GPC3: variants seen among roughly 807,000 people sequenced by gnomAD.
GPC3 encodes the protein glypican 3.
In GPC3, 3 loss-of-function variants were observed where a neutral mutation model predicts 34.4. The ratio of observed to expected loss-of-function variants is 0.09; its 90% CI spans 0.04 to 0.23. The LOEUF (loss-of-function observed/expected upper bound fraction) is 0.23. GPC3 is among the 10% of genes least tolerant of loss of function. The pLI is 1.00. For synonymous variants in GPC3, 177 were observed against 174.0 expected (o/e 1.02, Z -0.13); for missense variants, 351 against 445.6 (o/e 0.79, Z 1.91).
intron 6 of GPC3, among the ~76,000 whole-genome samples, chrX:133,654,605 G>A (rs759845990): frequency 3.6e-5 from 4 of 109,998 alleles, no homozygotes; most frequent in Non-Finnish European, 5.7e-5. Flanking sequence ...CCAGCTACTC[G>A]GGAGGCTGAG....
intron 5 of GPC3, among the ~76,000 whole-genome samples, chrX:133,669,163 G>C (rs1392766752): frequency 8.9e-6 from 1 of 112,111 alleles, no homozygotes; most frequent in Non-Finnish European, 1.9e-5. Flanking sequence ...TGACATACTT[G>C]TGTTCTTGGG....
intron 7 of GPC3, among the ~76,000 whole-genome samples, chrX:133,580,366 AGCTGAAAGAAATGT>A (rs770342281): frequency 8.9e-6 from 1 of 111,910 alleles, no homozygotes; most frequent in East Asian, 2.8e-4. Context: ...AAAGCCCCAG[AGCTGAAAGAAATGT>A]GCATGATTTC....
At chrX:133,832,563 T>C (rs1352921744) in intron 2 of GPC3, among the ~76,000 whole-genome samples, 2 of 110,930 alleles carry the variant, frequency 1.8e-5, no homozygotes, top group South Asian at 3.9e-4. Context: ...GGGAAAGATC[T>C]ACCTGTCATA....
intron 5 of GPC3, among the ~76,000 whole-genome samples, chrX:133,687,348 G>A (rs1192802481): frequency 2.0e-5 from 2 of 98,684 alleles, no homozygotes; most frequent in Non-Finnish European, 4.0e-5. Context: ...TATATTAAGT[G>A]CTCAATCTGT....
Position 133,840,613 on chromosome X carries a change from TCATCTTCATCACCATCATCATCAC to T in GPC3, c.338-86461_338-86438del, listed in dbSNP as rs1042827576. Reference sequence around the variant, plus strand: ...ACTATCATCATCATCATCATCATCATCATCTTCATCACCATCATCATCACCATCATCACCATCATCACCATGCTC... The same window carrying T: ...ACTATCATCATCATCATCATCATCATCATCATCACCATCATCACCATGCTC... On this transcript the variant is annotated intron_variant, in intron 2 of 7. Transcript: ENST00000370818. Among the ~76,000 whole-genome samples the T allele has an allele frequency of 5.6e-4, 61 of 109,762 alleles. 2 individuals carry two copies. Among genetic ancestry groups the T allele is most frequent in the Non-Finnish European group, 1.1e-4 (6 of 52,954 alleles).
At chrX:133,767,294 CAAT>C (rs1156763738) in intron 2 of GPC3, among the ~76,000 whole-genome samples, 1 of 111,652 alleles carries the variant, frequency 9.0e-6, no homozygotes, top group African/African-American at 3.3e-5. Flanking sequence ...TTACCAACAA[CAAT>C]AATTCCCCAG....
At chrX:133,569,748 T>C (rs2069609998) in intron 7 of GPC3, among the ~76,000 whole-genome samples, 1 of 112,410 alleles carries the variant, frequency 8.9e-6, no homozygotes, top group East Asian at 2.8e-4. Context: ...ATCCATGTAG[T>C]GTCCCTATAA....
intron 2 of GPC3, among the ~76,000 whole-genome samples, chrX:133,933,418 T>C (rs1049150714): frequency 1.2e-4 from 13 of 111,094 alleles, no homozygotes; most frequent in Non-Finnish European, 2.3e-4. Flanking sequence ...AGACAGCTTG[T>C]TGCAGGATCC....
At chrX:133,552,424 T>C (rs1603150962) in intron 7 of GPC3, among the ~76,000 whole-genome samples, 1 of 111,911 alleles carries the variant, frequency 8.9e-6, no homozygotes, top group South Asian at 3.8e-4. Context: ...AGGAGGGCTT[T>C]AAATCAGTCA....
intron 7 of GPC3, among the ~76,000 whole-genome samples, chrX:133,554,158 T>TGC (rs1171854205): frequency 9.1e-6 from 1 of 109,797 alleles, no homozygotes; most frequent in African/African-American, 3.3e-5. Context: ...GGACTACAGG[T>TGC]GCGCACCACC....
At chrX:133,596,231 T>A in intron 7 of GPC3, 1 of 438,221 alleles carries the variant, frequency 2.3e-6, no homozygotes, top group Non-Finnish European at 4.0e-6. Context: ...ACCCTTTTAA[T>A]CTACCAAAGG....
At chrX:133,685,757 G>GTT (rs754793187) in intron 5 of GPC3, among the ~76,000 whole-genome samples, 90 of 95,429 alleles carry the variant, frequency 9.4e-4, no homozygotes, top group African/African-American at 2.5e-3. Flanking sequence ...TCATAACATA[G>GTT]TTTTTTTTTT....
chrX:133,573,344 T>C (rs748936761), intron 7 of GPC3, among the ~76,000 whole-genome samples: 40 of 111,980 alleles, frequency 3.6e-4, no homozygotes, highest in Non-Finnish European at 7.3e-4. Context: ...TTTAAGATCA[T>C]GAGCAAGACA....
chrX:133,951,387 A>G (rs2076392679), intron 2 of GPC3, among the ~76,000 whole-genome samples: 2 of 110,994 alleles, frequency 1.8e-5, no homozygotes, highest in South Asian at 7.7e-4. Context: ...TTAAAATGCC[A>G]GTATGATCAC....
chrX:133,939,241 C>T (rs754693631), intron 2 of GPC3, among the ~76,000 whole-genome samples: 25 of 111,999 alleles, frequency 2.2e-4, no homozygotes, highest in African/African-American at 4.2e-4. Context: ...AAATAACAAT[C>T]GTGCCACCAA....
intron 5 of GPC3, among the ~76,000 whole-genome samples, chrX:133,664,597 C>G (rs2070753345): frequency 9.0e-6 from 1 of 111,217 alleles, no homozygotes; most frequent in Non-Finnish European, 1.9e-5. Flanking sequence ...GTTTATATCA[C>G]CAGATACAAG....
At chrX:133,811,914 C>G (rs2075667878) in intron 2 of GPC3, among the ~76,000 whole-genome samples, 1 of 111,858 alleles carries the variant, frequency 8.9e-6, no homozygotes, top group Non-Finnish European at 1.9e-5. Flanking sequence ...AGACAAGTAT[C>G]TAGACCTAGT....
intron 2 of GPC3, among the ~76,000 whole-genome samples, chrX:133,929,611 C>A (rs1289689639): frequency 9.0e-6 from 1 of 111,212 alleles, no homozygotes; most frequent in Non-Finnish European, 1.9e-5. Flanking sequence ...GTACATTGCC[C>A]TAAATGGAGA....
chrX:133,902,034 G>T (rs1401609079), intron 2 of GPC3, among the ~76,000 whole-genome samples: 1 of 111,724 alleles, frequency 9.0e-6, no homozygotes, highest in Non-Finnish European at 1.9e-5. Flanking sequence ...TTACCCAGGG[G>T]TTGGGCCAGA....
Sources: gnomAD v4.1 joint callset for allele counts (sites outside exome capture counted in the v4.1 genomes callset) on GRCh38, gnomAD v4.1.1 for gene constraint, MANE v1.5 for transcripts, NCBI Gene and HGNC (gene_info 2026-07-23, HGNC 2026-07-21) for gene names.